Variants in P2RY14 observed in about 807,000 individuals in gnomAD.
P2RY14 encodes the protein purinergic receptor P2Y14.
A neutral mutation model predicts 0.9 loss-of-function variants in P2RY14; 2 were observed. The observed-to-expected ratio is 2.16, with a 90% CI of 0.88 to 6.79. P2RY14 has a LOEUF of 6.79. Ranked by LOEUF, P2RY14 falls within the 30% of genes most tolerant of loss-of-function variation. P2RY14 has a pLI of 0.05. For missense variants in P2RY14, 378 were observed against 400.1 expected (o/e 0.94, Z 0.47); for synonymous variants, 158 against 147.2 (o/e 1.07, Z -0.53).
At chr3:151,228,323 G>C (rs1452649907) in intron 1 of P2RY14, among the ~76,000 whole-genome samples, 1 of 152,122 alleles carries the variant, frequency 6.6e-6, no homozygotes, top group Non-Finnish European at 1.5e-5. Flanking sequence ...AGCTACCTCA[G>C]CTACATCTAG....
At position 151,253,039 on chromosome 3, in the gene P2RY14, G is replaced by A. The variant is rs2870522; in HGVS notation, c.-133+25248C>T. Among the ~76,000 whole-genome samples, 170 of 152,240 alleles carry A rather than the reference G, an allele frequency of 1.1e-3. 2 individuals are homozygous for A. The highest frequency in any genetic ancestry group is 3.8e-3 in the African/African-American group (158 of 41,536). Reference sequence around the variant, plus strand: ...GTCGTGAGCTAAAGGGAGAAATTATGTTGCCTTAAACTAAAGTCCCTGTCT... The same window carrying A: ...GTCGTGAGCTAAAGGGAGAAATTATATTGCCTTAAACTAAAGTCCCTGTCT... On this transcript the variant is annotated intron_variant, in intron 1 of 2. Coordinates refer to ENST00000309170, the MANE Select transcript of P2RY14 (RefSeq NM_014879.4).
At chr3:151,229,938 C>A (rs1305432579) in intron 1 of P2RY14, among the ~76,000 whole-genome samples, 1 of 151,928 alleles carries the variant, frequency 6.6e-6, no homozygotes, top group South Asian at 2.1e-4. Context: ...TTTTATGAGT[C>A]CTAGGCTCAC....
chr3:151,256,884 A>G (rs1218174044), intron 1 of P2RY14, among the ~76,000 whole-genome samples: 1 of 143,094 alleles, frequency 7.0e-6, no homozygotes, highest in Non-Finnish European at 1.5e-5. Context: ...TAAATGGGTC[A>G]TGGGGAAAAT....
intron 1 of P2RY14, among the ~76,000 whole-genome samples, chr3:151,233,986 A>G (rs909742525): frequency 2.2e-4 from 34 of 152,206 alleles, no homozygotes; most frequent in African/African-American, 8.2e-4. Flanking sequence ...TGAGTAGAGA[A>G]ATTTAAAAAG....
rs1577199327 is a variant in P2RY14, at chr3:151,272,955, T to G, written c.-133+5332A>C. On this transcript the variant is annotated intron_variant, in intron 1 of 2. Transcript: ENST00000309170. ...CCCAAAATCTGAAGTCCGAAGTGCTTCAATATCCGAAACTTTTTGAGGGCT... is the reference window on the plus strand; with the variant it reads ...CCCAAAATCTGAAGTCCGAAGTGCTGCAATATCCGAAACTTTTTGAGGGCT... Among the ~76,000 whole-genome samples the G allele has an allele frequency of 3.3e-5, 5 of 152,302 alleles. 1 individual carries two copies. Among genetic ancestry groups the G allele is most frequent in the Admixed American group, 2.6e-4 (4 of 15,288 alleles).
intron 1 of P2RY14, among the ~76,000 whole-genome samples, chr3:151,257,604 A>G (rs1055691708): frequency 2.0e-5 from 3 of 152,258 alleles, no homozygotes; most frequent in African/African-American, 7.2e-5. Flanking sequence ...AGAAAAATAA[A>G]TATTGTCTGT....
chr3:151,223,552 T>C (rs190901401), intron 1 of P2RY14, among the ~76,000 whole-genome samples: 2 of 152,314 alleles, frequency 1.3e-5, no homozygotes, highest in African/African-American at 4.8e-5. Context: ...TGGTTGTAGC[T>C]AGAGGCCATT....
intron 1 of P2RY14, among the ~76,000 whole-genome samples, chr3:151,245,957 GC>G: frequency 1.3e-5 from 2 of 151,180 alleles, no homozygotes; most frequent in East Asian, 3.9e-4. Flanking sequence ...AAAATCACAA[GC>G]ATTCTTATAC....
intron 1 of P2RY14, among the ~76,000 whole-genome samples, chr3:151,265,094 A>G (rs889477787): frequency 5.9e-5 from 9 of 152,182 alleles, no homozygotes; most frequent in African/African-American, 2.2e-4. Flanking sequence ...CCAGCCTGCT[A>G]GATTATTCTT....
intron 1 of P2RY14, among the ~76,000 whole-genome samples, chr3:151,230,107 C>G (rs895897335): frequency 6.6e-6 from 1 of 152,118 alleles, no homozygotes; most frequent in Non-Finnish European, 1.5e-5. Flanking sequence ...GTAGCTGGGA[C>G]TACAGGTGCC....
chr3:151,236,223 C>G (rs781135123), intron 1 of P2RY14, among the ~76,000 whole-genome samples: 22 of 152,156 alleles, frequency 1.4e-4, no homozygotes, highest in Non-Finnish European at 2.6e-4. Flanking sequence ...CAACTTTGGT[C>G]AAATTAAGGA....
chr3:151,229,473 A>ATTTTTTT (rs59434401), intron 1 of P2RY14, among the ~76,000 whole-genome samples: 1 of 90,122 alleles, frequency 1.1e-5, no homozygotes, highest in Non-Finnish European at 2.1e-5. Context: ...TGCCCGGCTA[A>ATTTTTTT]TTTTTTTTTT....
rs537258143 is a variant in P2RY14, at chr3:151,243,751, A to G, written c.-132-24109T>C. 9.2e-3 allele frequency among the ~76,000 whole-genome samples: 1,404 copies of G among 152,064 alleles called. 21 individuals carry two copies. The highest frequency in any genetic ancestry group is 0.031 in the African/African-American group (1,305 of 41,470). On this transcript the variant is annotated intron_variant, in intron 1 of 2. Transcript: ENST00000309170. Reference sequence around the variant, plus strand: ...AGCTAACATCATCATGACAGGATCAAATTCACACATAACAATATTAACTTT... The same window carrying G: ...AGCTAACATCATCATGACAGGATCAGATTCACACATAACAATATTAACTTT...
In P2RY14 at chr3:151,213,636, G is replaced by T; in HGVS notation, c.681C>A (p.Val227=). The T allele has an allele frequency of 6.2e-7, 1 of 1,614,074 alleles. No individual in the cohort carries two copies. The highest frequency in any genetic ancestry group is 1.1e-5 in the South Asian group (1 of 91,072). ...HLKSSRNSTS[V]KKKSSRNIFS... ...ATATGTTGCGGCTAGATTTCTTTTT[G>T]ACCGAAGTGGAATTCCGACTTGACT... is the stretch of plus-strand genomic sequence containing the variant. The change falls in exon 3 of 3, where the codon GTC becomes GTA. Residue 227 remains valine, a synonymous_variant. Transcript: ENST00000309170.
intron 1 of P2RY14, among the ~76,000 whole-genome samples, chr3:151,229,302 A>G (rs992225428): frequency 2.9e-5 from 4 of 139,648 alleles, no homozygotes; most frequent in Non-Finnish European, 6.1e-5. Context: ...AAATTCAGCA[A>G]TTCTTTTTTT....
intron 1 of P2RY14, among the ~76,000 whole-genome samples, chr3:151,233,381 T>C (rs888124760): frequency 6.6e-6 from 1 of 152,214 alleles, no homozygotes; most frequent in Non-Finnish European, 1.5e-5. Context: ...TTCTTTTCAA[T>C]GGAATGTTTG....
chr3:151,219,692 T>C (rs567508397), intron 1 of P2RY14, 50 bp from the exon 2 acceptor site: 1 of 152,324 alleles, frequency 6.6e-6, no homozygotes, highest in East Asian at 1.9e-4. Flanking sequence ...CACCTGACTT[T>C]TTATTGGGAA....
At chr3:151,272,606 G>A (rs1287006267) in intron 1 of P2RY14, among the ~76,000 whole-genome samples, 5 of 152,188 alleles carry the variant, frequency 3.3e-5, no homozygotes, top group Non-Finnish European at 7.3e-5. Flanking sequence ...GGGAAAGGTT[G>A]TTTGTCCTCT....
intron 1 of P2RY14, chr3:151,261,538 A>G (rs1322575576): frequency 2.0e-5 from 3 of 151,780 alleles, no homozygotes; most frequent in Non-Finnish European, 4.4e-5. Context: ...TGCCCACATA[A>G]CTCCTTAAGC....
Sources: gnomAD v4.1 joint callset for allele counts (sites outside exome capture counted in the v4.1 genomes callset) on GRCh38, gnomAD v4.1.1 for gene constraint, MANE v1.5 for transcripts, NCBI Gene and HGNC (gene_info 2026-07-23, HGNC 2026-07-21) for gene names.